The following MAN2A1 variants were observed in gnomAD, a reference collection of about 807,000 sequenced individuals.
The protein encoded by MAN2A1 is alpha-mannosidase 2.
Under a neutral mutation model 142.6 loss-of-function variants are expected in MAN2A1, and 76 were observed. The observed-to-expected ratio is 0.53, with a 90% confidence interval of 0.44 to 0.65. MAN2A1 has a LOEUF of 0.65. Ranked by LOEUF, MAN2A1 falls within the 30% of genes least tolerant of loss-of-function variation. The pLI is 0.00. For missense variants in MAN2A1, 1,311 were observed against 1,365.1 expected (o/e 0.96, Z 0.62); for synonymous variants, 559 against 473.2 (o/e 1.18, Z -2.35).
intron 9 of MAN2A1, among the ~76,000 whole-genome samples, chr5:109,781,895 C>G (rs965084653): frequency 6.6e-6 from 1 of 152,106 alleles, no homozygotes; most frequent in African/African-American, 2.4e-5. Context: ...GTGTTATTTG[C>G]ACACCATATT....
Position 109,770,334 on chromosome 5 carries a change from TG to T in MAN2A1, c.1010-20del, listed in dbSNP as rs545075512. On this transcript the variant is annotated intron_variant, in intron 6 of 21. Coordinates refer to ENST00000261483, the MANE Select transcript of MAN2A1 (RefSeq NM_002372.4). ...AACAGATTTTATAAATGCAGGTTTG[TG>T]TGTTGGCTCTTTATTTTAGATCTGG... 305 of 1,601,556 alleles carry T rather than the reference TG, an allele frequency of 1.9e-4. 1 individual carries two copies. The African/African-American group carries it at 3.7e-3, about 19-fold the overall frequency.
chr5:109,850,869 T>C (rs1755465661), intron 19 of MAN2A1, among the ~76,000 whole-genome samples: 1 of 152,208 alleles, frequency 6.6e-6, no homozygotes, highest in South Asian at 2.1e-4. Flanking sequence ...CAATTAATGG[T>C]TTCTTTTAAA....
intron 1 of MAN2A1, among the ~76,000 whole-genome samples, chr5:109,702,533 T>A (rs1315463193): frequency 1.3e-5 from 2 of 152,184 alleles, no homozygotes; most frequent in Non-Finnish European, 1.5e-5. Context: ...AACTCCCTTC[T>A]GTTGGGCTGG....
At chr5:109,724,339 G>A (rs984677690) in intron 3 of MAN2A1, among the ~76,000 whole-genome samples, 1 of 152,074 alleles carries the variant, frequency 6.6e-6, no homozygotes, top group African/African-American at 2.4e-5. Context: ...CACTATTTGG[G>A]TGATGGGATC....
intron 1 of MAN2A1, among the ~76,000 whole-genome samples, chr5:109,701,566 G>T (rs77705744): frequency 0.012 from 1,861 of 152,260 alleles, 18 homozygotes; most frequent in Non-Finnish European, 0.02. Flanking sequence ...TTCAGACCTG[G>T]AAAGGAGCTA....
At chr5:109,812,111 T>C (rs1372472110) in intron 12 of MAN2A1, among the ~76,000 whole-genome samples, 1 of 152,142 alleles carries the variant, frequency 6.6e-6, no homozygotes, top group African/African-American at 2.4e-5. Flanking sequence ...GTTATTGAGA[T>C]TCTTTTTTTG....
intron 12 of MAN2A1, among the ~76,000 whole-genome samples, chr5:109,793,372 G>A (rs1367125754): frequency 1.3e-5 from 2 of 152,074 alleles, no homozygotes; most frequent in Non-Finnish European, 2.9e-5. Flanking sequence ...TTTATTTCTA[G>A]CATCATGCCT....
In MAN2A1 at chr5:109,849,869, A is replaced by G. The variant is rs573991017; in HGVS notation, c.2976+2079A>G. Among the ~76,000 whole-genome samples the G allele has an allele frequency of 6.6e-5, 10 of 152,240 alleles. No individual in the cohort carries two copies. In the South Asian group the frequency reaches 1.2e-3, roughly 19 times the overall value. On this transcript the variant is annotated intron_variant, in intron 19 of 21. Coordinates refer to ENST00000261483, the MANE Select transcript of MAN2A1 (RefSeq NM_002372.4). ...ATGTCCCCTAGGCATTGGCATTGGC[A>G]TGCCTTTTACTGTGTCTGCTTTAGG...
chr5:109,763,311 G>C (rs1752902457), intron 5 of MAN2A1, among the ~76,000 whole-genome samples: 1 of 152,100 alleles, frequency 6.6e-6, no homozygotes, highest in South Asian at 2.1e-4. Context: ...TTGAGCATCA[G>C]AGTGAGACTC....
intron 10 of MAN2A1, among the ~76,000 whole-genome samples, chr5:109,786,645 C>CATT (rs991115322): frequency 1.3e-5 from 2 of 152,012 alleles, no homozygotes; most frequent in African/African-American, 4.8e-5. Flanking sequence ...ATTACCAAGT[C>CATT]ATTAGCACAG....
intron 16 of MAN2A1, among the ~76,000 whole-genome samples, chr5:109,835,461 A>T (rs1755031264): frequency 6.6e-6 from 1 of 152,122 alleles, no homozygotes; most frequent in African/African-American, 2.4e-5. Flanking sequence ...TGTTTTGGAG[A>T]TTTATTTTAT....
At chr5:109,806,404 T>C (rs1754167049) in intron 12 of MAN2A1, among the ~76,000 whole-genome samples, 2 of 152,242 alleles carry the variant, frequency 1.3e-5, no homozygotes, top group African/African-American at 4.8e-5. Context: ...AAGTGCTAGC[T>C]GTTGGTATTA....
intron 3 of MAN2A1, 66 bp from the exon 4 acceptor site, chr5:109,729,275 GA>G: frequency 1.0e-6 from 1 of 999,080 alleles, no homozygotes; most frequent in Non-Finnish European, 1.5e-6. Flanking sequence ...TAATGCAATG[GA>G]ATGTGACTGA....
chr5:109,718,423 C>T (rs1398814155), intron 3 of MAN2A1, among the ~76,000 whole-genome samples: 14 of 152,128 alleles, frequency 9.2e-5, no homozygotes, highest in Admixed American at 7.2e-4. Context: ...TTAGTGCATA[C>T]GCATGAAGGT....
chr5:109,842,724 A>G (rs906457582), intron 17 of MAN2A1, among the ~76,000 whole-genome samples: 1 of 151,958 alleles, frequency 6.6e-6, no homozygotes, highest in Non-Finnish European at 1.5e-5. Context: ...AATGTTAAAT[A>G]TCTTGATGCT....
At position 109,690,500 on chromosome 5, in the gene MAN2A1, G is replaced by A. The variant is rs945199398; in HGVS notation, c.83G>A (p.Arg28Gln). Reference protein sequence around the residue: ...VIFSLYLMLDRGHLDYPRNPR... With the variant: ...VIFSLYLMLDQGHLDYPRNPR... ...TTCTCGCTCTACCTGATGCTGGACC[G>A]GGGTCACTTAGACTACCCCAGGAAC... Residue 28 changes from arginine (R) to glutamine (Q), a missense_variant, in exon 1 of 22, where the codon CGG becomes CAG. Transcript: ENST00000261483. 5.0e-6 allele frequency: 8 copies of A among 1,613,570 alleles called. No homozygotes were observed. The African/African-American group carries it at 1.1e-4, about 22-fold the overall frequency.
At chr5:109,769,035 A>G (rs943675428) in intron 6 of MAN2A1, among the ~76,000 whole-genome samples, 1 of 152,202 alleles carries the variant, frequency 6.6e-6, no homozygotes, top group African/African-American at 2.4e-5. Flanking sequence ...AAAATTAAGT[A>G]TGCAAATTAG....
At chr5:109,691,027 TC>T (rs1750656866) in intron 1 of MAN2A1, among the ~76,000 whole-genome samples, 1 of 152,222 alleles carries the variant, frequency 6.6e-6, no homozygotes, top group Non-Finnish European at 1.5e-5. Flanking sequence ...TTTTTCTTTT[TC>T]TTCCCCGCTG....
intron 4 of MAN2A1, among the ~76,000 whole-genome samples, chr5:109,742,332 A>T (rs1246276440): frequency 3.3e-5 from 5 of 152,200 alleles, no homozygotes; most frequent in Admixed American, 3.3e-4. Context: ...ATGTGTGCTG[A>T]GATGAAGGTA....
Sources: allele counts gnomAD v4.1 joint callset (sites outside exome capture counted in the v4.1 genomes callset), GRCh38; gene constraint gnomAD v4.1.1; transcripts MANE v1.5; gene names NCBI Gene and HGNC (gene_info 2026-07-23, HGNC 2026-07-21).